BORCS5: variants seen among roughly 807,000 people sequenced by gnomAD.
BORCS5 encodes BLOC-1-related complex subunit 5.
Under a neutral mutation model 22.1 loss-of-function variants are expected in BORCS5, and 17 were observed. The ratio of observed to expected loss-of-function variants is 0.77; its 90% CI spans 0.53 to 1.15. BORCS5 has a LOEUF of 1.15. Ranked by LOEUF, BORCS5 falls within the 50% of genes most tolerant of loss-of-function variation. The probability of loss-of-function intolerance (pLI) is 0.00; values close to 1 mark genes in which losing one functional copy is unlikely to be tolerated. For missense variants in BORCS5, 247 were observed against 253.2 expected, an observed-to-expected ratio of 0.98 and a Z score of 0.17; for synonymous variants, 117 against 99.8, an observed-to-expected ratio of 1.17 and a Z score of -1.03.
chr12:12,426,042 A>C (rs1942279609), intron 2 of BORCS5, among the ~76,000 whole-genome samples: 1 of 152,184 alleles, frequency 6.6e-6, no homozygotes, highest in South Asian at 2.1e-4. Flanking sequence ...GAAGGATTTG[A>C]ATTAAGGGAA....
At chr12:12,360,985 T>C (rs1342926782) in intron 1 of BORCS5, among the ~76,000 whole-genome samples, 1 of 152,208 alleles carries the variant, frequency 6.6e-6, no homozygotes, top group African/African-American at 2.4e-5. Context: ...CTTCCCAAAG[T>C]GCTAAGATTA....
At chr12:12,417,917 C>T (rs956474813) in intron 2 of BORCS5, among the ~76,000 whole-genome samples, 1 of 152,172 alleles carries the variant, frequency 6.6e-6, no homozygotes, top group Admixed American at 6.5e-5. Flanking sequence ...GCTGGGAGTA[C>T]AGGCATGAGC....
intron 2 of BORCS5, among the ~76,000 whole-genome samples, chr12:12,371,140 A>G (rs903862586): frequency 5.3e-4 from 80 of 152,232 alleles, no homozygotes; most frequent in African/African-American, 1.5e-3. Context: ...TTGTTCTTCC[A>G]TGTCTCCAGC....
intron 2 of BORCS5, among the ~76,000 whole-genome samples, chr12:12,404,348 G>A (rs1440397908): frequency 6.6e-6 from 1 of 152,296 alleles, no homozygotes; most frequent in East Asian, 1.9e-4. Context: ...TCACTGTTCT[G>A]GAGGCTGGGA....
At chr12:12,426,879 C>T (rs183534168) in intron 2 of BORCS5, among the ~76,000 whole-genome samples, 3 of 152,254 alleles carry the variant, frequency 2.0e-5, no homozygotes, top group Admixed American at 2.0e-4. Context: ...TTCGGAGGTC[C>T]TGGGAGAAAT....
At position 12,357,375 on chromosome 12, in the gene BORCS5, G is replaced by A. The variant is rs1863164667; in HGVS notation, c.-77G>A. On this transcript the variant is annotated 5_prime_UTR_variant, in exon 1 of 4. Transcript: ENST00000314565. ...CTTTGCCTCCCCGTCCCGGTCCCTG[G>A]CCCCTGCCCTGTCGCCCGCCGCCGG... is the stretch of plus-strand genomic sequence containing the variant. The A allele has an allele frequency of 6.4e-7, 1 of 1,553,054 alleles. No homozygotes were observed. Among genetic ancestry groups the A allele is most frequent in the Non-Finnish European group, 8.7e-7 (1 of 1,145,090 alleles).
chr12:12,371,621 A>C (rs949603054), intron 2 of BORCS5, among the ~76,000 whole-genome samples: 1 of 152,140 alleles, frequency 6.6e-6, no homozygotes, highest in South Asian at 2.1e-4. Flanking sequence ...GAAAATGACA[A>C]GTTCACACTA....
rs1943097577 is a variant in BORCS5 at position 12,461,185 on chromosome 12, T to C, written c.361-4361T>C. ...TCTTTTTTTTTTTTTTTTTTCCCCC[T>C]GGGATAGGGCCTTGCTCTTTTTTTC... On this transcript the variant is annotated intron_variant, in intron 3 of 3. Transcript: ENST00000314565. Among the ~76,000 whole-genome samples the C allele has an allele frequency of 2.0e-5, 3 of 146,446 alleles. No homozygotes were observed. In the Admixed American group the frequency reaches 2.1e-4, roughly 10 times the overall value.
chr12:12,424,022 G>A (rs1042992698), intron 2 of BORCS5, among the ~76,000 whole-genome samples: 3 of 152,148 alleles, frequency 2.0e-5, no homozygotes, highest in African/African-American at 4.8e-5. Context: ...GTGTCCTGGT[G>A]TGGGTCTCTG....
intron 2 of BORCS5, among the ~76,000 whole-genome samples, chr12:12,423,253 T>C (rs550516764): frequency 3.0e-4 from 45 of 152,070 alleles, no homozygotes; most frequent in African/African-American, 1.1e-3. Flanking sequence ...CCACCCTCCT[T>C]GGCATCCCAA....
At position 12,392,507 on chromosome 12, in the gene BORCS5, A is replaced by C. The variant is rs554509384; in HGVS notation, c.202+31158A>C. Reference sequence around the variant, plus strand: ...AAAAGGTTACAGACATAGACTTTTGAGAACAGTCAGATCCAGATTAAGAAC... The same window carrying C: ...AAAAGGTTACAGACATAGACTTTTGCGAACAGTCAGATCCAGATTAAGAAC... On this transcript the variant is annotated intron_variant, in intron 2 of 3. Transcript: ENST00000314565. Among the ~76,000 whole-genome samples, 173 of 152,242 alleles carry C rather than the reference A, an allele frequency of 1.1e-3. 4 individuals are homozygous for C. Among genetic ancestry groups the C allele is most frequent in the Admixed American group, 9.4e-3 (144 of 15,288 alleles).
Position 12,435,696 on chromosome 12 carries a change from C to T in BORCS5, c.271C>T (p.Gln91Ter). The stretch of plus-strand genomic sequence containing the variant: ...GAAACTGGACTCTCAGCAGGTGTTG[C>T]AGCTCTGCCTCCGATATCAAGATCA... ...LEKLDSQQVL[Q>*]LCLRYQDHLH... Residue 91 changes from glutamine to a stop codon, truncating the protein, a stop_gained, in exon 3 of 4, where the codon CAG (glutamine) becomes TAG (stop). Transcript: ENST00000314565. LOFTEE classifies it high-confidence loss of function. 1 of 1,614,084 alleles carries T rather than the reference C, an allele frequency of 6.2e-7. No homozygotes were observed. Among genetic ancestry groups the T allele is most frequent in the Non-Finnish European group, 8.5e-7 (1 of 1,179,964 alleles).
chr12:12,463,154 G>C (rs1255786460), intron 3 of BORCS5, among the ~76,000 whole-genome samples: 2 of 152,204 alleles, frequency 1.3e-5, no homozygotes, highest in Non-Finnish European at 2.9e-5. Context: ...CTGGTTTACT[G>C]CCTACAGTCA....
intron 2 of BORCS5, among the ~76,000 whole-genome samples, chr12:12,410,259 T>G (rs865869092): frequency 0.023 from 3,463 of 152,298 alleles, 117 homozygotes; most frequent in African/African-American, 0.077. Flanking sequence ...TTTTGGCTTT[T>G]GTTGCCATTG....
intron 2 of BORCS5, among the ~76,000 whole-genome samples, chr12:12,368,575 G>A (rs936508514): frequency 5.9e-5 from 9 of 151,572 alleles, no homozygotes; most frequent in Admixed American, 5.3e-4. Flanking sequence ...CTCCCAAGGA[G>A]CTGGGACCAC....
At chr12:12,442,845 A>G (rs912771325) in intron 3 of BORCS5, among the ~76,000 whole-genome samples, 3 of 152,170 alleles carry the variant, frequency 2.0e-5, no homozygotes, top group African/African-American at 7.2e-5. Context: ...GAGAGTTGCC[A>G]TTCATGGGCC....
chr12:12,386,412 A>G (rs892019354), intron 2 of BORCS5, among the ~76,000 whole-genome samples: 1 of 147,894 alleles, frequency 6.8e-6, no homozygotes, highest in Non-Finnish European at 1.5e-5. Flanking sequence ...TCTTAGATTT[A>G]GTGTAATTTC....
At chr12:12,406,544 T>G (rs566115287) in intron 2 of BORCS5, among the ~76,000 whole-genome samples, 1 of 152,206 alleles carries the variant, frequency 6.6e-6, no homozygotes, top group Admixed American at 6.5e-5. Context: ...GTATTTCAGA[T>G]TTTTTTCTTG....
intron 2 of BORCS5, among the ~76,000 whole-genome samples, chr12:12,365,468 C>T (rs1863386524): frequency 6.6e-6 from 1 of 151,970 alleles, no homozygotes. Flanking sequence ...GCATGAGCCA[C>T]CATGCCCGGC....
Sources: gnomAD v4.1 joint callset for allele counts (sites outside exome capture counted in the v4.1 genomes callset) on GRCh38, gnomAD v4.1.1 for gene constraint, MANE v1.5 for transcripts, NCBI Gene and HGNC (gene_info 2026-07-23, HGNC 2026-07-21) for gene names.